ADAMTS2: variants seen among roughly 807,000 people sequenced by gnomAD.
The protein encoded by ADAMTS2 is A disintegrin and metalloproteinase with thrombospondin motifs 2.
A neutral mutation model predicts 123.0 loss-of-function variants in ADAMTS2; 50 were observed. The observed-to-expected ratio is 0.41, with a 90% confidence interval of 0.32 to 0.51. ADAMTS2 has a LOEUF of 0.51. Ranked by LOEUF, ADAMTS2 falls within the 20% of genes least tolerant of loss-of-function variation. The pLI is 0.35. For synonymous variants in ADAMTS2, 678 were observed against 695.4 expected, an observed-to-expected ratio of 0.98 and a Z score of 0.39; for missense variants, 1,494 against 1,705.2, an observed-to-expected ratio of 0.88 and a Z score of 2.18.
intron 21 of ADAMTS2, chr5:179,120,085 G>C (rs1762726142): frequency 6.6e-6 from 1 of 152,272 alleles, no homozygotes; most frequent in African/African-American, 2.4e-5. Flanking sequence ...AACCGGGGTA[G>C]TTAATGCTAC....
chr5:179,124,299 C>G (rs1460117843), intron 19 of ADAMTS2, among the ~76,000 whole-genome samples: 1 of 152,136 alleles, frequency 6.6e-6, no homozygotes, highest in Non-Finnish European at 1.5e-5. Flanking sequence ...TCAGCTCTGT[C>G]CTGGCCTCAG....
intron 4 of ADAMTS2, among the ~76,000 whole-genome samples, chr5:179,196,334 C>T (rs756168416): frequency 2.0e-5 from 3 of 152,176 alleles, no homozygotes; most frequent in South Asian, 2.1e-4. Context: ...CGACTGAAGG[C>T]GCAGAAGATC....
intron 2 of ADAMTS2, among the ~76,000 whole-genome samples, chr5:179,318,420 G>A (rs867769708): frequency 3.3e-5 from 5 of 151,742 alleles, no homozygotes; most frequent in South Asian, 2.1e-4. Flanking sequence ...AGGAGATGCC[G>A]GGCGGGGCGG....
chr5:179,125,351 G>C (rs1237025168), intron 18 of ADAMTS2, among the ~76,000 whole-genome samples, 171 bp from the exon 19 acceptor site: 1 of 152,198 alleles, frequency 6.6e-6, no homozygotes, highest in Non-Finnish European at 1.5e-5. Context: ...GGCTGTCCAG[G>C]CTTGCACAGA....
At position 179,111,612 on chromosome 5, in the gene ADAMTS2, G is replaced by A. The variant is rs561845504; in HGVS notation, c.*2255C>T. 6.6e-6 allele frequency: 1 copy of A among 152,386 alleles called. No homozygotes were observed. Among genetic ancestry groups the A allele is most frequent in the East Asian group, 1.9e-4 (1 of 5,184 alleles). 9.4% of individuals were successfully genotyped at this position (152,386 alleles called of 1,614,324 possible). ...GTCCCAGCTGGGCCTCTTCCCAAAGGCTTCCAGCCTCAAGCCAGGAAGCCC... is the reference window on the plus strand; with the variant it reads ...GTCCCAGCTGGGCCTCTTCCCAAAGACTTCCAGCCTCAAGCCAGGAAGCCC... On this transcript the variant is annotated 3_prime_UTR_variant, in exon 22 of 22. Transcript: ENST00000251582.
At chr5:179,191,227 T>C (rs1561796969) in intron 4 of ADAMTS2, among the ~76,000 whole-genome samples, 1 of 152,232 alleles carries the variant, frequency 6.6e-6, no homozygotes, top group Non-Finnish European at 1.5e-5. Flanking sequence ...TGATTCTTGC[T>C]AGCAGTGGCT....
rs1024330218 is a variant in ADAMTS2, at chr5:179,260,961, G to A, written c.688+11950C>T. 4.6e-5 allele frequency among the ~76,000 whole-genome samples: 7 copies of A among 152,056 alleles called. No homozygotes were observed. The highest frequency in any genetic ancestry group is 2.1e-4 in the South Asian group (1 of 4,824). ...AGTGCCCACCTTCGCGCAGGCCCTC[G>A]GTGAATGGGCATGTCCTTGAACGCA... On this transcript the variant is annotated intron_variant, in intron 3 of 21. Transcript: ENST00000251582. This position sits in a 1 kb window ranked among gnomAD's most constrained non-coding sequence, Gnocchi z 4.2.
intron 3 of ADAMTS2, among the ~76,000 whole-genome samples, chr5:179,257,352 G>A (rs1354553798): frequency 6.6e-6 from 1 of 152,210 alleles, no homozygotes; most frequent in East Asian, 1.9e-4. Context: ...AGGCTGCGGG[G>A]GCCTGGAGGA....
rs1440528342 is a variant in ADAMTS2 at position 179,308,186 on chromosome 5, T to C, written c.535-35122A>G. 6.6e-6 allele frequency among the ~76,000 whole-genome samples: 1 copy of C among 152,158 alleles called. No individual in the cohort carries two copies. Among genetic ancestry groups the C allele is most frequent in the Non-Finnish European group, 1.5e-5 (1 of 68,014 alleles). On this transcript the variant is annotated intron_variant, in intron 2 of 21. Coordinates refer to ENST00000251582, the MANE Select transcript of ADAMTS2 (RefSeq NM_014244.5). This position sits in a 1 kb window ranked among gnomAD's most constrained non-coding sequence, Gnocchi z 6.6. Reference sequence around the variant, plus strand: ...TTAAGTGGAGGATCCGGTGCTCTGATTTCTCCCCAGTTAGTAAAGCATTCA... The same window carrying C: ...TTAAGTGGAGGATCCGGTGCTCTGACTTCTCCCCAGTTAGTAAAGCATTCA...
At chr5:179,198,866 A>G (rs986044580) in intron 4 of ADAMTS2, among the ~76,000 whole-genome samples, 7 of 149,758 alleles carry the variant, frequency 4.7e-5, no homozygotes, top group African/African-American at 1.7e-4. Flanking sequence ...AACTCACTGC[A>G]GAGAGCCTCT....
Position 179,188,692 on chromosome 5 carries a change from C to T in ADAMTS2, c.892-7537G>A, listed in dbSNP as rs79548507. ...CAGAGTCCCCTCCTTCAATACCCAG[C>T]GCAGGAACACTCTGCCCAAGGCCAC... On this transcript the variant is annotated intron_variant, in intron 4 of 21. Coordinates refer to ENST00000251582, the MANE Select transcript of ADAMTS2 (RefSeq NM_014244.5). The surrounding 1 kb of genome is among the most constrained non-coding windows in gnomAD (Gnocchi z 5.1). 1.9e-3 allele frequency among the ~76,000 whole-genome samples: 289 copies of T among 152,218 alleles called. 2 individuals carry two copies. Among genetic ancestry groups the T allele is most frequent in the African/African-American group, 6.2e-3 (258 of 41,524 alleles).
rs1317984640 is a variant in ADAMTS2, at chr5:179,312,636, AT to A, written c.534+31130del. On this transcript the variant is annotated intron_variant, in intron 2 of 21. Transcript: ENST00000251582. The surrounding 1 kb of genome is among the most constrained non-coding windows in gnomAD (Gnocchi z 4.2). ...CTTTATCAGAGGAAGGCAGAGCAAG[AT>A]GAGCCAGGCAGAGGAGAAGGCCACG... Among the ~76,000 whole-genome samples, 7 of 152,190 alleles carry A rather than the reference AT, an allele frequency of 4.6e-5. No homozygotes were observed. Among genetic ancestry groups the A allele is most frequent in the African/African-American group, 1.7e-4 (7 of 41,472 alleles).
At chr5:179,139,073 C>A (rs1212910232) in intron 11 of ADAMTS2, among the ~76,000 whole-genome samples, 1 of 152,184 alleles carries the variant, frequency 6.6e-6, no homozygotes, top group Non-Finnish European at 1.5e-5. Context: ...AAGGAAAGAC[C>A]GAAGCTCTGT....
chr5:179,315,293 C>T (rs1756959265), intron 2 of ADAMTS2, among the ~76,000 whole-genome samples: 1 of 152,230 alleles, frequency 6.6e-6, no homozygotes. Context: ...ACTGAGGCCA[C>T]AGTTGGCTTC....
chr5:179,324,734 G>C (rs151320185), intron 2 of ADAMTS2, among the ~76,000 whole-genome samples: 2 of 152,290 alleles, frequency 1.3e-5, no homozygotes, highest in African/African-American at 2.4e-5. Context: ...GTATTTTGTA[G>C]TGTACACTAA....
rs1561773783 is a variant in ADAMTS2, at chr5:179,137,944, G to T, written c.1776C>A (p.His592Gln). 2 of 1,545,106 alleles carry T rather than the reference G, an allele frequency of 1.3e-6. No individual in the cohort carries two copies. The highest frequency in any genetic ancestry group is 1.7e-6 in the Non-Finnish European group (2 of 1,147,296). ...KFRTRQCDNPHPANGGRTCSG... is the reference protein window; with the variant it reads ...KFRTRQCDNPQPANGGRTCSG... The stretch of plus-strand genomic sequence containing the variant: ...AGCAGGTGCGGCCCCCGTTGGCCGG[G>T]CTGGAGGAGAAAGCAAAGGCCTTGC... The change falls in exon 12 of 22, where the codon CAC becomes CAA. Residue 592 changes from histidine to glutamine, a missense_variant and splice_region_variant. Transcript: ENST00000251582.
chr5:179,250,229 A>T (rs1765886806), intron 3 of ADAMTS2, among the ~76,000 whole-genome samples: 1 of 152,186 alleles, frequency 6.6e-6, no homozygotes, highest in Non-Finnish European at 1.5e-5. Flanking sequence ...AGCCAAAAGT[A>T]CTCATCATGG....
At chr5:179,157,157 C>T (rs190641003) in intron 6 of ADAMTS2, among the ~76,000 whole-genome samples, 1 of 152,010 alleles carries the variant, frequency 6.6e-6, no homozygotes, top group East Asian at 1.9e-4. Flanking sequence ...GAGATGTTGG[C>T]CAGGCTGGTC....
At chr5:179,280,857 C>CT (rs372561733) in intron 2 of ADAMTS2, among the ~76,000 whole-genome samples, 8,092 of 152,034 alleles carry the variant, frequency 0.053, 248 homozygotes, top group Middle Eastern at 0.082. Flanking sequence ...AAGTTCAATG[C>CT]TTTTTTTCTT....
Sources: allele counts gnomAD v4.1 joint callset (sites outside exome capture counted in the v4.1 genomes callset), GRCh38; gene constraint gnomAD v4.1.1; non-coding constraint Gnocchi (gnomAD v3.1); transcripts MANE v1.5; gene names NCBI Gene and HGNC (gene_info 2026-07-23, HGNC 2026-07-21).